The following CTNNA3 variants were observed in gnomAD, a reference collection of about 807,000 sequenced individuals.
CTNNA3 encodes the protein catenin alpha-3.
Under a neutral mutation model 95.7 loss-of-function variants are expected in CTNNA3, and 76 were observed. The ratio of observed to expected loss-of-function variants is 0.79; its 90% CI spans 0.66 to 0.96. The LOEUF (loss-of-function observed/expected upper bound fraction) is 0.96, where lower values mean the gene tolerates loss of function less well. CTNNA3 is among the 40% of genes least tolerant of loss of function. CTNNA3 has a pLI of 0.00. For synonymous variants in CTNNA3, 431 were observed against 374.4 expected, an observed-to-expected ratio of 1.15 and a Z score of -1.74; for missense variants, 1,191 against 1,089.8, an observed-to-expected ratio of 1.09 and a Z score of -1.31.
At chr10:66,423,537 G>A (rs888718804) in intron 11 of CTNNA3, among the ~76,000 whole-genome samples, 11 of 152,134 alleles carry the variant, frequency 7.2e-5, no homozygotes, top group South Asian at 4.2e-4. Context: ...ATGACATCTC[G>A]AACCAGAAAC....
intron 7 of CTNNA3, chr10:67,012,276 T>C (rs1339113309): frequency 2.0e-5 from 3 of 152,174 alleles, no homozygotes; most frequent in African/African-American, 7.2e-5. Flanking sequence ...ATTCATTTCA[T>C]GGGTAGAGAA....
rs1012881526 is a variant in CTNNA3, at chr10:66,379,487, A to T, written c.1532-135T>A. ...GGAAATGGAAGACTTTGAGAATTAT[A>T]AAAAAATTGGAGACATATTTTGCTT... On this transcript the variant is annotated intron_variant, in intron 11 of 17. Transcript: ENST00000433211. 108 of 743,576 alleles carry T rather than the reference A, an allele frequency of 1.5e-4. 1 individual carries two copies. Among genetic ancestry groups the T allele is most frequent in the Middle Eastern group, 7.7e-4 (2 of 2,594 alleles). The allele number at this position is 743,576 out of a possible 1,614,324, so 46.1% of individuals were successfully genotyped here.
At chr10:66,633,453 G>A (rs1272097523) in intron 9 of CTNNA3, among the ~76,000 whole-genome samples, 1 of 152,116 alleles carries the variant, frequency 6.6e-6, no homozygotes. Context: ...GGCCAAGGCG[G>A]GCAGATCACG....
intron 11 of CTNNA3, among the ~76,000 whole-genome samples, chr10:66,437,789 G>T (rs1456913374): frequency 1.3e-5 from 2 of 152,104 alleles, no homozygotes; most frequent in African/African-American, 4.8e-5. Context: ...CTGGTTTTTG[G>T]AATTTTCAGC....
chr10:66,062,929 G>C (rs974837452), intron 15 of CTNNA3, among the ~76,000 whole-genome samples: 2 of 152,004 alleles, frequency 1.3e-5, no homozygotes, highest in African/African-American at 4.8e-5. Flanking sequence ...CCACTGATTT[G>C]TCAGAATCCT....
chr10:66,420,467 C>A (rs2093181887), intron 11 of CTNNA3, among the ~76,000 whole-genome samples: 1 of 151,978 alleles, frequency 6.6e-6, no homozygotes, highest in African/African-American at 2.4e-5. Flanking sequence ...AATGCTCATA[C>A]CCTTTTGGTG....
intron 6 of CTNNA3, among the ~76,000 whole-genome samples, chr10:67,189,624 T>G (rs1863028899): frequency 7.0e-6 from 1 of 143,318 alleles, no homozygotes; most frequent in African/African-American, 2.6e-5. Context: ...TTAAATGAAC[T>G]GCTAAAAAAC....
intron 7 of CTNNA3, among the ~76,000 whole-genome samples, chr10:67,113,875 T>G (rs1346425711): frequency 6.6e-6 from 1 of 152,092 alleles, no homozygotes; most frequent in Non-Finnish European, 1.5e-5. Context: ...TTAAAAAGAA[T>G]TTTTCCAGCC....
intron 5 of CTNNA3, among the ~76,000 whole-genome samples, chr10:67,499,507 G>A (rs562634595): frequency 7.2e-5 from 11 of 152,182 alleles, no homozygotes; most frequent in Non-Finnish European, 1.5e-4. Flanking sequence ...AGAAGGAATG[G>A]TACCACCTCC....
chr10:66,182,691 C>G (rs988540756), intron 13 of CTNNA3, among the ~76,000 whole-genome samples: 3 of 152,022 alleles, frequency 2.0e-5, no homozygotes, highest in African/African-American at 7.3e-5. Flanking sequence ...TTTTTAACAA[C>G]ATGGCCAAAC....
At chr10:66,811,757 ATAAC>A (rs1168687647) in intron 7 of CTNNA3, among the ~76,000 whole-genome samples, 1 of 152,186 alleles carries the variant, frequency 6.6e-6, no homozygotes, top group Non-Finnish European at 1.5e-5. Context: ...AATTCTCTCA[ATAAC>A]CAAGCAAGAT....
chr10:66,995,619 A>AT (rs1301483078), intron 7 of CTNNA3, among the ~76,000 whole-genome samples: 1 of 152,128 alleles, frequency 6.6e-6, no homozygotes, highest in Admixed American at 6.6e-5. Flanking sequence ...ACATCTCTAT[A>AT]TTTTTTTATT....
chr10:66,052,259 T>C (rs969409360), intron 15 of CTNNA3, among the ~76,000 whole-genome samples: 3 of 152,164 alleles, frequency 2.0e-5, no homozygotes, highest in Non-Finnish European at 4.4e-5. Flanking sequence ...AGTGAAATCA[T>C]GCAGAAAGGA....
intron 5 of CTNNA3, among the ~76,000 whole-genome samples, chr10:67,328,942 T>C (rs1046697842): frequency 2.0e-5 from 3 of 152,374 alleles, no homozygotes; most frequent in South Asian, 2.1e-4. Flanking sequence ...CATTGTACCA[T>C]AAATGTAGCA....
chr10:66,583,126 T>A (rs866411729), intron 10 of CTNNA3, among the ~76,000 whole-genome samples: 2 of 151,844 alleles, frequency 1.3e-5, no homozygotes, highest in African/African-American at 2.4e-5. Context: ...TTCCTTTGCT[T>A]TGGTACCAGG....
At chr10:66,239,384 G>C (rs896494085) in intron 13 of CTNNA3, among the ~76,000 whole-genome samples, 1 of 151,904 alleles carries the variant, frequency 6.6e-6, no homozygotes, top group South Asian at 2.1e-4. Flanking sequence ...CCAATCTTCT[G>C]CTCCCCAGTC....
At chr10:67,505,156 G>A (rs1485488255) in intron 5 of CTNNA3, among the ~76,000 whole-genome samples, 1 of 152,194 alleles carries the variant, frequency 6.6e-6, no homozygotes, top group Non-Finnish European at 1.5e-5. Flanking sequence ...AAGGTGAGAA[G>A]AAATGCCTTT....
intron 6 of CTNNA3, among the ~76,000 whole-genome samples, chr10:67,190,689 TAATC>T (rs1863081059): frequency 6.6e-6 from 1 of 152,080 alleles, no homozygotes; most frequent in Non-Finnish European, 1.5e-5. Context: ...ATTTTTAAAT[TAATC>T]AGTTGCAAGA....
At chr10:66,695,037 C>A (rs1847705277) in intron 9 of CTNNA3, among the ~76,000 whole-genome samples, 2 of 152,128 alleles carry the variant, frequency 1.3e-5, no homozygotes, top group Admixed American at 6.5e-5. Flanking sequence ...ATAAAATATA[C>A]AACTGCTGAA....
Sources: allele counts gnomAD v4.1 joint callset (sites outside exome capture counted in the v4.1 genomes callset), GRCh38; gene constraint gnomAD v4.1.1; transcripts MANE v1.5; gene names NCBI Gene and HGNC (gene_info 2026-07-23, HGNC 2026-07-21).